CCNB2: variants seen among roughly 807,000 people sequenced by gnomAD.
CCNB2 encodes cyclin B2.
CCNB2 carries 39 observed loss-of-function variants against 51.1 expected under a neutral mutation model. That is an observed-to-expected ratio of 0.76 (90% CI 0.59 to 1.00). CCNB2 has a LOEUF of 1.00. Ranked by LOEUF, CCNB2 falls within the 50% of genes least tolerant of loss-of-function variation. The pLI is 0.00. For missense variants in CCNB2, 472 were observed against 470.3 expected (o/e 1.00, Z -0.03); for synonymous variants, 174 against 165.5 (o/e 1.05, Z -0.40).
intron 5 of CCNB2, 151 bp from the exon 6 acceptor site, chr15:59,116,539 A>G: frequency 3.1e-6 from 2 of 642,486 alleles, no homozygotes; most frequent in South Asian, 3.7e-5. Flanking sequence ...GATAGCTGTC[A>G]TGATCAGTGG....
chr15:59,118,592 A>G (rs771318974), intron 7 of CCNB2, among the ~76,000 whole-genome samples: 7 of 152,240 alleles, frequency 4.6e-5, no homozygotes, highest in Non-Finnish European at 8.8e-5. Flanking sequence ...GCCTAGGCAT[A>G]AGAATCACTT....
At chr15:59,123,689 T>TGGG (rs1168762299) in intron 8 of CCNB2, 62 bp downstream of exon 8, 6 of 458,980 alleles carry the variant, frequency 1.3e-5, no homozygotes, top group African/African-American at 9.7e-5. Flanking sequence ...GTGTGTATGT[T>TGGG]GGGCGGGGGG....
chr15:59,123,090 ATGTC>A (rs1446838916), intron 7 of CCNB2, among the ~76,000 whole-genome samples: 1 of 152,224 alleles, frequency 6.6e-6, no homozygotes, highest in Non-Finnish European at 1.5e-5. Context: ...GACTGACAGT[ATGTC>A]TGTTTGGGCT....
rs749059876 is a variant in CCNB2 at position 59,107,571 on chromosome 15, C to T, written c.168C>T (p.Thr56=). ...AAQVAKKAQN[T]KVPVQPTKTT... ...TTTCCTTATAGAAAGCTCAGAACAC[C>T]AAAGTTCCAGTTCAACCCACCAAAA... is the stretch of plus-strand genomic sequence containing the variant. The change falls in exon 3 of 9, where the codon ACC becomes ACT. Residue 56 remains threonine (T), a synonymous_variant. Transcript: ENST00000288207. 5.1e-5 allele frequency: 82 copies of T among 1,614,002 alleles called. No homozygotes were observed. The highest frequency in any genetic ancestry group is 6.9e-5 in the Non-Finnish European group (82 of 1,180,028).
rs1047933502 is a variant in CCNB2 at position 59,117,378 on chromosome 15, G to A, written c.975+10G>A. 2 of 1,610,516 alleles carry A rather than the reference G, an allele frequency of 1.2e-6. No homozygotes were observed. Among genetic ancestry groups the A allele is most frequent in the East Asian group, 4.5e-5 (2 of 44,754 alleles). ...AGGACAAGGAAAATGGGTGAGTGGT[G>A]GATTTAAGAAGAAACTAATTAGGCT... On this transcript the variant is annotated intron_variant, in intron 7 of 8. Coordinates refer to ENST00000288207, the MANE Select transcript of CCNB2 (RefSeq NM_004701.4).
At chr15:59,117,081 C>T (rs2079282296) in intron 6 of CCNB2, 147 bp from the exon 7 acceptor site, 2 of 995,812 alleles carry the variant, frequency 2.0e-6, no homozygotes, top group Non-Finnish European at 3.0e-6. Flanking sequence ...GCCTCATGAT[C>T]TATGTTTACA....
chr15:59,107,208 A>T, intron 1 of CCNB2, 114 bp from the exon 2 acceptor site: 1 of 932,458 alleles, frequency 1.1e-6, no homozygotes, highest in Admixed American at 2.9e-5. Flanking sequence ...CCATCTTGCA[A>T]ATAGATCTTG....
At chr15:59,112,935 G>A (rs1596330771) in intron 3 of CCNB2, among the ~76,000 whole-genome samples, 1 of 151,924 alleles carries the variant, frequency 6.6e-6, no homozygotes, top group East Asian at 1.9e-4. Flanking sequence ...TCCAGAAGCT[G>A]AGGCAGGAGA....
At chr15:59,116,590 A>C in intron 5 of CCNB2, 100 bp from the exon 6 acceptor site, 1 of 798,990 alleles carries the variant, frequency 1.3e-6, no homozygotes. Context: ...AGCAAAGACA[A>C]TGTGCACTTT....
intron 3 of CCNB2, among the ~76,000 whole-genome samples, chr15:59,111,293 C>T (rs113069142): frequency 3.3e-5 from 5 of 152,292 alleles, no homozygotes; most frequent in African/African-American, 1.2e-4. Context: ...CTTGGGCTTC[C>T]AAAGTGCCCG....
In CCNB2 at chr15:59,114,787, G is replaced by A; in HGVS notation, c.508G>A (p.Val170Met). 6.2e-7 allele frequency: 1 copy of A among 1,614,176 alleles called. No homozygotes were observed. Among genetic ancestry groups the A allele is most frequent in the Non-Finnish European group, 8.5e-7 (1 of 1,179,996 alleles). The stretch of plus-strand genomic sequence containing the variant: ...AAATGGACGCATGCGTGCCATCCTA[G>A]TGGATTGGCTGGTACAAGTCCACTC... ...DINGRMRAIL[V>M]DWLVQVHSKF... The change falls in exon 5 of 9, where the codon GTG becomes ATG. Residue 170 changes from valine to methionine, a missense_variant. Physicochemically the swap from Val to Met is conservative, Grantham distance 21. Coordinates refer to ENST00000288207, the MANE Select transcript of CCNB2 (RefSeq NM_004701.4).
chr15:59,111,724 G>A lies in CCNB2; in HGVS notation c.268-2720G>A, dbSNP rs192013684. On this transcript the variant is annotated intron_variant, in intron 3 of 8. Transcript: ENST00000288207. ...CCCAGAATTGCCTTGATTTTCTTTG[G>A]TTTGCTTTTGCCTGTTCATCTTCCT... 7.2e-5 allele frequency among the ~76,000 whole-genome samples: 11 copies of A among 152,100 alleles called. No individual in the cohort carries two copies. The East Asian group carries it at 1.9e-3, about 27-fold the overall frequency.
intron 7 of CCNB2, among the ~76,000 whole-genome samples, chr15:59,122,538 TTTTTTTTTC>T (rs1349093627): frequency 1.4e-5 from 2 of 145,340 alleles, no homozygotes; most frequent in Non-Finnish European, 3.0e-5. Flanking sequence ...TTTTTTTTTC[TTTTTTTTTC>T]TTTTTTTTTT....
chr15:59,105,731 T>C (rs1221057910), intron 1 of CCNB2, among the ~76,000 whole-genome samples: 2 of 152,204 alleles, frequency 1.3e-5, no homozygotes, highest in African/African-American at 4.8e-5. Context: ...AAGGGTTCTG[T>C]AGGCAGTAAA....
intron 7 of CCNB2, among the ~76,000 whole-genome samples, chr15:59,122,553 T>C (rs553515614): frequency 2.0e-4 from 30 of 149,780 alleles, no homozygotes; most frequent in African/African-American, 7.5e-4. Context: ...TTTTCTTTTT[T>C]TTTTGAGACA....
chr15:59,118,792 C>T (rs1226460642), intron 7 of CCNB2, among the ~76,000 whole-genome samples: 1 of 152,234 alleles, frequency 6.6e-6, no homozygotes, highest in Non-Finnish European at 1.5e-5. Context: ...CTGCCATCTC[C>T]TCCTTTTTCA....
chr15:59,110,634 T>C (rs2079253912), intron 3 of CCNB2, among the ~76,000 whole-genome samples: 1 of 152,204 alleles, frequency 6.6e-6, no homozygotes, highest in Admixed American at 6.5e-5. Context: ...CATGTGTCCA[T>C]GATAGGAGAT....
intron 7 of CCNB2, among the ~76,000 whole-genome samples, chr15:59,121,888 C>T (rs1177411218): frequency 7.2e-6 from 1 of 138,054 alleles, no homozygotes; most frequent in Non-Finnish European, 1.5e-5. Flanking sequence ...GCAGACATTG[C>T]ACCACTGCAC....
chr15:59,112,777 G>A (rs2079262635), intron 3 of CCNB2, among the ~76,000 whole-genome samples: 1 of 151,772 alleles, frequency 6.6e-6, no homozygotes, highest in Non-Finnish European at 1.5e-5. Context: ...GCTCAAGCCT[G>A]TAATCCCAAC....
Sources: allele counts gnomAD v4.1 joint callset (sites outside exome capture counted in the v4.1 genomes callset), GRCh38; gene constraint gnomAD v4.1.1; transcripts MANE v1.5; gene names NCBI Gene and HGNC (gene_info 2026-07-23, HGNC 2026-07-21).